LAMA2: variants seen among roughly 807,000 people sequenced by gnomAD.
The protein encoded by LAMA2 is laminin subunit alpha-2.
Under a neutral mutation model 364.8 loss-of-function variants are expected in LAMA2, and 269 were observed. The observed-to-expected ratio is 0.74, with a 90% CI of 0.67 to 0.82. The LOEUF is 0.82. Among genes scored for constraint, LAMA2 ranks in the 40% least tolerant of loss-of-function variants. The pLI, the probability that LAMA2 is intolerant of heterozygous loss-of-function variation, is 0.00. For synonymous variants in LAMA2, 1,379 were observed against 1,370.6 expected, an observed-to-expected ratio of 1.01 and a Z score of -0.14; for missense variants, 3,807 against 3,873.2, an observed-to-expected ratio of 0.98 and a Z score of 0.45.
At chr6:129,239,732 T>C (rs1785261851) in intron 12 of LAMA2, among the ~76,000 whole-genome samples, 1 of 152,138 alleles carries the variant, frequency 6.6e-6, no homozygotes, top group Non-Finnish European at 1.5e-5. Context: ...TCCAAGCTGG[T>C]CTCAAACCCC....
chr6:129,368,753 G>A (rs762910627), intron 33 of LAMA2, among the ~76,000 whole-genome samples: 52 of 152,176 alleles, frequency 3.4e-4, no homozygotes, highest in Non-Finnish European at 5.6e-4. Flanking sequence ...AGTCTTTCTT[G>A]ATTTTTTATT....
intron 56 of LAMA2, among the ~76,000 whole-genome samples, chr6:129,490,488 A>G (rs1784806085): frequency 6.6e-6 from 1 of 152,232 alleles, no homozygotes; most frequent in Non-Finnish European, 1.5e-5. Flanking sequence ...GAAGGCCTCT[A>G]GCTTTTTAAA....
rs540828626 is a variant in LAMA2 at position 129,502,462 on chromosome 6, G to A, written c.8245-197G>A. ...CACATTCCTTTAGCCATTCCAGGGTGTGATATGAGAAAACTGATTCACACG... is the reference window on the plus strand; with the variant it reads ...CACATTCCTTTAGCCATTCCAGGGTATGATATGAGAAAACTGATTCACACG... On this transcript the variant is annotated intron_variant, in intron 58 of 64. Coordinates refer to ENST00000421865, the MANE Select transcript of LAMA2 (RefSeq NM_000426.4). Among the ~76,000 whole-genome samples the A allele has an allele frequency of 5.3e-5, 8 of 152,324 alleles. No individual in the cohort carries two copies. The East Asian group carries it at 1.4e-3, about 26-fold the overall frequency.
chr6:129,203,702 G>A (rs897565540), intron 12 of LAMA2, among the ~76,000 whole-genome samples: 22 of 152,124 alleles, frequency 1.4e-4, no homozygotes, highest in African/African-American at 5.3e-4. Flanking sequence ...TCATATAAGC[G>A]GATGACCTGA....
chr6:129,360,005 T>C (rs1777370814), intron 32 of LAMA2, among the ~76,000 whole-genome samples: 1 of 152,192 alleles, frequency 6.6e-6, no homozygotes, highest in Non-Finnish European at 1.5e-5. Context: ...CACAAATTTA[T>C]CCTGACACTT....
At chr6:128,977,415 C>G (rs1327396492) in intron 1 of LAMA2, among the ~76,000 whole-genome samples, 1 of 151,934 alleles carries the variant, frequency 6.6e-6, no homozygotes, top group Non-Finnish European at 1.5e-5. Flanking sequence ...CAAGGGCCAC[C>G]ATGCCCAACT....
chr6:129,017,150 C>G (rs1785131710), intron 1 of LAMA2, among the ~76,000 whole-genome samples: 1 of 151,932 alleles, frequency 6.6e-6, no homozygotes, highest in Admixed American at 6.6e-5. Flanking sequence ...TCTGAACAAT[C>G]TTCCAATATA....
intron 4 of LAMA2, among the ~76,000 whole-genome samples, chr6:129,109,929 A>C (rs900556038): frequency 4.6e-5 from 7 of 152,020 alleles, no homozygotes; most frequent in African/African-American, 1.7e-4. Context: ...TTAAACTGCT[A>C]ATCTTCTGGA....
At chr6:129,421,303 A>C (rs1417275751) in intron 40 of LAMA2, among the ~76,000 whole-genome samples, 1 of 151,990 alleles carries the variant, frequency 6.6e-6, no homozygotes, top group Non-Finnish European at 1.5e-5. Context: ...ATATAGTTGA[A>C]ATTTTTATAT....
chr6:129,444,274 CCTAAGT>C (rs1782259725), intron 44 of LAMA2, among the ~76,000 whole-genome samples: 1 of 152,114 alleles, frequency 6.6e-6, no homozygotes, highest in African/African-American at 2.4e-5. Flanking sequence ...CTGTAATTTG[CCTAAGT>C]CTAAGTAGTC....
intron 64 of LAMA2, 92 bp from the exon 65 acceptor site, chr6:129,516,098 T>TAATC: frequency 7.3e-7 from 1 of 1,375,822 alleles, no homozygotes; most frequent in Admixed American, 1.7e-5. Context: ...CATTCCAATT[T>TAATC]AATCTCAAGC....
intron 53 of LAMA2, 37 bp from the exon 54 acceptor site, chr6:129,478,656 T>A (rs375957056): frequency 1.4e-4 from 233 of 1,610,040 alleles, no homozygotes; most frequent in Middle Eastern, 1.2e-3. Flanking sequence ...ATCACCCTAA[T>A]GATATTGCTT....
intron 1 of LAMA2, among the ~76,000 whole-genome samples, chr6:128,937,437 A>ATT (rs35018815): frequency 4.0e-5 from 6 of 150,202 alleles, no homozygotes; most frequent in Non-Finnish European, 7.4e-5. Context: ...TTATTGGGAG[A>ATT]TTTTTTTTTC....
chr6:129,505,702 G>A (rs964457200), intron 61 of LAMA2, among the ~76,000 whole-genome samples: 2 of 151,820 alleles, frequency 1.3e-5, no homozygotes, highest in Non-Finnish European at 2.9e-5. Context: ...TAGAGACGGG[G>A]TGTACTTTTA....
intron 10 of LAMA2, among the ~76,000 whole-genome samples, chr6:129,187,281 C>G (rs1781283697): frequency 6.6e-6 from 1 of 151,668 alleles, no homozygotes; most frequent in South Asian, 2.1e-4. Flanking sequence ...CTGTCAAGAT[C>G]ATATATATTA....
At chr6:129,499,117 C>T (rs1056470278) in intron 58 of LAMA2, among the ~76,000 whole-genome samples, 3 of 152,126 alleles carry the variant, frequency 2.0e-5, no homozygotes, top group African/African-American at 4.8e-5. Context: ...TGTAACCTGC[C>T]AAGCAAAGGC....
chr6:129,148,901 A>T, intron 6 of LAMA2, 78 bp from the exon 7 acceptor site: 1 of 947,344 alleles, frequency 1.1e-6, no homozygotes, highest in Non-Finnish European at 1.7e-6. Flanking sequence ...TCTTTTCTTC[A>T]TAGTACCTTT....
chr6:129,165,451 A>C, intron 8 of LAMA2, 125 bp from the exon 9 acceptor site: 2 of 630,042 alleles, frequency 3.2e-6, no homozygotes, highest in Non-Finnish European at 5.7e-6. Context: ...GGTAATTCTT[A>C]TAGTTTTCTC....
chr6:129,063,687 A>G (rs1391535260), intron 3 of LAMA2, among the ~76,000 whole-genome samples: 1 of 152,166 alleles, frequency 6.6e-6, no homozygotes, highest in East Asian at 1.9e-4. Context: ...TGCGTTTACC[A>G]AACAAGATTA....
Sources: allele counts gnomAD v4.1 joint callset (sites outside exome capture counted in the v4.1 genomes callset), GRCh38; gene constraint gnomAD v4.1.1; transcripts MANE v1.5; gene names NCBI Gene and HGNC (gene_info 2026-07-23, HGNC 2026-07-21).